Variants in ARHGAP35 observed in about 807,000 individuals in gnomAD.
ARHGAP35 encodes Rho GTPase activating protein 35.
A neutral mutation model predicts 111.1 loss-of-function variants in ARHGAP35; 15 were observed. That is an observed-to-expected ratio of 0.13 (90% CI 0.09 to 0.21). ARHGAP35 has a LOEUF of 0.21. ARHGAP35 is among the 10% of genes least tolerant of loss of function. ARHGAP35 has a pLI of 1.00. For missense variants in ARHGAP35, 1,262 were observed against 1,873.0 expected, an observed-to-expected ratio of 0.67 and a Z score of 6.02; for synonymous variants, 643 against 710.3, an observed-to-expected ratio of 0.91 and a Z score of 1.51.
At chr19:46,980,007 G>A (rs544916098) in intron 3 of ARHGAP35, among the ~76,000 whole-genome samples, 53 of 152,148 alleles carry the variant, frequency 3.5e-4, no homozygotes, top group Non-Finnish European at 6.3e-4. Flanking sequence ...CTTCTGCGGA[G>A]AGACACAGCG....
chr19:46,975,185 A>G (rs1373172796), intron 3 of ARHGAP35, among the ~76,000 whole-genome samples: 1 of 152,126 alleles, frequency 6.6e-6, no homozygotes, highest in Non-Finnish European at 1.5e-5. Context: ...GGGCTTGTTA[A>G]TGAGTAACAA....
chr19:46,911,602 G>A (rs1024679690), intron 1 of ARHGAP35, among the ~76,000 whole-genome samples: 1 of 152,170 alleles, frequency 6.6e-6, no homozygotes, highest in Admixed American at 6.5e-5. Flanking sequence ...TAGAGATTCT[G>A]TTGTCCTTGT....
intron 3 of ARHGAP35, among the ~76,000 whole-genome samples, chr19:46,958,433 T>C (rs571868749): frequency 6.6e-6 from 1 of 152,312 alleles, no homozygotes; most frequent in Admixed American, 6.5e-5. Context: ...AGATCCTTTT[T>C]AAATTATTTC....
chr19:46,867,129 T>C (rs1320661641), intron 1 of ARHGAP35, among the ~76,000 whole-genome samples: 1 of 152,246 alleles, frequency 6.6e-6, no homozygotes, highest in Non-Finnish European at 1.5e-5. Flanking sequence ...TGCCATTAAG[T>C]TGATATATTA....
intron 2 of ARHGAP35, among the ~76,000 whole-genome samples, chr19:46,935,086 ACTT>A (rs1377953834): frequency 6.6e-6 from 1 of 152,196 alleles, no homozygotes; most frequent in Admixed American, 6.5e-5. Context: ...GCATTTCCTT[ACTT>A]CTTTGGTAAA....
chr19:46,938,320 A>C (rs2056322330), intron 3 of ARHGAP35, among the ~76,000 whole-genome samples: 1 of 152,180 alleles, frequency 6.6e-6, no homozygotes, highest in African/African-American at 2.4e-5. Context: ...GTTGTAAAGC[A>C]GGGAAGATGG....
chr19:46,883,357 T>C (rs1266000484), intron 1 of ARHGAP35, among the ~76,000 whole-genome samples: 1 of 151,866 alleles, frequency 6.6e-6, no homozygotes, highest in Non-Finnish European at 1.5e-5. Context: ...GCCTTCAGCC[T>C]CTCAAAGTGC....
chr19:46,980,716 G>A (rs1020774902), intron 3 of ARHGAP35, among the ~76,000 whole-genome samples: 5 of 152,178 alleles, frequency 3.3e-5, no homozygotes, highest in African/African-American at 9.7e-5. Context: ...GTGCATAGAC[G>A]ATCTCATTTA....
chr19:46,938,204 A>G lies in ARHGAP35; in HGVS notation c.3826+796A>G, dbSNP rs142924377. On this transcript the variant is annotated intron_variant, in intron 3 of 6. Coordinates refer to ENST00000672722, the MANE Select transcript of ARHGAP35 (RefSeq NM_004491.5). ...GTTCTTTCTAACTCTGATATTATCT[A>G]CAGTGGTATTAAGTATTGTGTGGTG... Among the ~76,000 whole-genome samples, 5 of 152,276 alleles carry G rather than the reference A, an allele frequency of 3.3e-5. 1 individual carries two copies. Among genetic ancestry groups the G allele is most frequent in the African/African-American group, 1.2e-4 (5 of 41,544 alleles).
rs541407068 is a variant in ARHGAP35 at position 46,890,922 on chromosome 19, GT to G, written c.-188-27563del. Among the ~76,000 whole-genome samples, 266 of 152,330 alleles carry G rather than the reference GT, an allele frequency of 1.7e-3. 1 individual carries two copies. Among genetic ancestry groups the G allele is most frequent in the Middle Eastern group, 0.017 (5 of 294 alleles). ...CTGGACTGGACCCTTGGACTGGACTGTTTACTTACTAGAAGAGCAGATGGAA... is the reference window on the plus strand; with the variant it reads ...CTGGACTGGACCCTTGGACTGGACTGTTACTTACTAGAAGAGCAGATGGAA... On this transcript the variant is annotated intron_variant, in intron 1 of 6. Transcript: ENST00000672722.
In ARHGAP35 at chr19:46,943,001, G is replaced by A. The variant is rs79407302; in HGVS notation, c.3826+5593G>A. Among the ~76,000 whole-genome samples the A allele has an allele frequency of 1.1e-3, 162 of 151,650 alleles. 3 individuals carry two copies. The East Asian group carries it at 0.028, about 26-fold the overall frequency. The stretch of plus-strand genomic sequence containing the variant: ...GGCTTTGCCTCTTTAGGCCCTTGCC[G>A]TCCAGAACAGTCCTCTCTGGCTTGT... On this transcript the variant is annotated intron_variant, in intron 3 of 6. Coordinates refer to ENST00000672722, the MANE Select transcript of ARHGAP35 (RefSeq NM_004491.5).
At chr19:46,935,096 T>TA (rs529928958) in intron 2 of ARHGAP35, among the ~76,000 whole-genome samples, 39 of 152,298 alleles carry the variant, frequency 2.6e-4, no homozygotes, top group East Asian at 1.5e-3. Context: ...ACTTCTTTGG[T>TA]AAAAAAAGTC....
chr19:46,928,252 C>T (rs571685464), intron 2 of ARHGAP35, among the ~76,000 whole-genome samples: 1 of 152,244 alleles, frequency 6.6e-6, no homozygotes, highest in South Asian at 2.1e-4. Flanking sequence ...CGATAGGCAA[C>T]CCAAATCTGT....
In ARHGAP35 at chr19:46,908,793, C is replaced by G. The variant is rs541595447; in HGVS notation, c.-188-9695C>G. ...AAGCCTGGAAGCATGAGAACTGTGG[C>G]GGGGGAAAAATGGGCTACTTGCTGT... On this transcript the variant is annotated intron_variant, in intron 1 of 6. Transcript: ENST00000672722. The surrounding 1 kb of genome is among the most constrained non-coding windows in gnomAD (Gnocchi z 4.2). Among the ~76,000 whole-genome samples the G allele has an allele frequency of 2.6e-5, 4 of 151,924 alleles. No homozygotes were observed. Among genetic ancestry groups the G allele is most frequent in the African/African-American group, 9.7e-5 (4 of 41,342 alleles).
In ARHGAP35 at chr19:46,922,482, C is replaced by T; in HGVS notation, c.3681+126C>T. 7 of 942,712 alleles carry T rather than the reference C, an allele frequency of 7.4e-6. No homozygotes were observed. Among genetic ancestry groups the T allele is most frequent in the Middle Eastern group, 3.1e-4 (1 of 3,236 alleles). The allele number at this position is 942,712 out of a possible 1,614,324, so 58.4% of individuals were successfully genotyped here. On this transcript the variant is annotated intron_variant, in intron 2 of 6. Coordinates refer to ENST00000672722, the MANE Select transcript of ARHGAP35 (RefSeq NM_004491.5). This position sits in a 1 kb window ranked among gnomAD's most constrained non-coding sequence, Gnocchi z 4.0. ...AAAACTGCCCTGTGTGTGTATTTGACTTAACATAAAAAAGCAGTGCCTCAA... is the reference window on the plus strand; with the variant it reads ...AAAACTGCCCTGTGTGTGTATTTGATTTAACATAAAAAAGCAGTGCCTCAA...
intron 1 of ARHGAP35, among the ~76,000 whole-genome samples, chr19:46,888,364 A>ACACACC (rs1204026031): frequency 2.1e-4 from 22 of 106,366 alleles, no homozygotes; most frequent in African/African-American, 5.4e-4. Context: ...ACACACACAC[A>ACACACC]CCCCACAACA....
rs113045351 is a variant in ARHGAP35, at chr19:46,895,831, G to A, written c.-188-22657G>A. Among the ~76,000 whole-genome samples the A allele has an allele frequency of 1.6e-4, 24 of 152,280 alleles. 1 individual carries two copies. The highest frequency in any genetic ancestry group is 5.3e-4 in the African/African-American group (22 of 41,568). The stretch of plus-strand genomic sequence containing the variant: ...AAAATCTGTGAGGAAGGCCAGGTGC[G>A]GTGGCTCATGCCTGTAATCCCAGCA... On this transcript the variant is annotated intron_variant, in intron 1 of 6. Transcript: ENST00000672722.
At chr19:46,888,625 G>C (rs2056008263) in intron 1 of ARHGAP35, among the ~76,000 whole-genome samples, 1 of 151,766 alleles carries the variant, frequency 6.6e-6, no homozygotes, top group Non-Finnish European at 1.5e-5. Context: ...GCTTAGTTAT[G>C]TAGCATTATC....
At chr19:46,925,886 C>A (rs1041505952) in intron 2 of ARHGAP35, among the ~76,000 whole-genome samples, 2 of 152,100 alleles carry the variant, frequency 1.3e-5, no homozygotes, top group Non-Finnish European at 2.9e-5. Flanking sequence ...TTTAACTAGA[C>A]CCCAGAGAAT....
Sources: gnomAD v4.1 joint callset for allele counts (sites outside exome capture counted in the v4.1 genomes callset) on GRCh38, gnomAD v4.1.1 for gene constraint, Gnocchi (gnomAD v3.1) non-coding constraint, MANE v1.5 for transcripts, NCBI Gene and HGNC (gene_info 2026-07-23, HGNC 2026-07-21) for gene names.